Variants in PCDHGA9 observed in about 807,000 individuals in gnomAD.
PCDHGA9 encodes the protein protocadherin gamma-A9.
Under a neutral mutation model 62.5 loss-of-function variants are expected in PCDHGA9, and 37 were observed. That is an observed-to-expected ratio of 0.59 (90% confidence interval 0.46 to 0.78). PCDHGA9 has a LOEUF of 0.78. Among genes scored for constraint, PCDHGA9 ranks in the 30% least tolerant of loss-of-function variants. The pLI is 0.00. For missense variants in PCDHGA9, 1,138 were observed against 1,166.2 expected (o/e 0.98, Z 0.35); for synonymous variants, 459 against 484.6 (o/e 0.95, Z 0.69).
Position 141,432,849 on chromosome 5 carries a change from T to G in PCDHGA9, c.2424+27473T>G. The G allele has an allele frequency of 1.2e-6, 2 of 1,614,194 alleles. No homozygotes were observed. The highest frequency in any genetic ancestry group is 2.2e-5 in the South Asian group (2 of 91,092). ...CTCACTCTGTACCTGGTGGTAGCGG[T>G]GGCCGCGGTCTCCTGCGTCTTCCTG... On this transcript the variant is annotated intron_variant, in intron 1 of 3. Coordinates refer to ENST00000573521, the MANE Select transcript of PCDHGA9 (RefSeq NM_018921.3). This position sits in a 1 kb window ranked among gnomAD's most constrained non-coding sequence, Gnocchi z 6.0.
At chr5:141,423,100 G>A in intron 1 of PCDHGA9, 1 of 1,613,944 alleles carries the variant, frequency 6.2e-7, no homozygotes, top group Non-Finnish European at 8.5e-7. Context: ...GGAGCACACG[G>A]GCGAGGTGCG....
rs577239742 is a variant in PCDHGA9 at position 141,501,564 on chromosome 5, T to C, written c.2484-3829T>C. ...CATAAGATCATAGGCCCTGGAATCA[T>C]ATTAGGCTGGCTTTCAGGTTGCAAC... On this transcript the variant is annotated intron_variant, in intron 2 of 3. Coordinates refer to ENST00000573521, the MANE Select transcript of PCDHGA9 (RefSeq NM_018921.3). 5.9e-5 allele frequency among the ~76,000 whole-genome samples: 9 copies of C among 152,194 alleles called. No individual in the cohort carries two copies. The South Asian group carries it at 1.7e-3, about 28-fold the overall frequency.
At chr5:141,450,006 C>CTT (rs1554136305) in intron 1 of PCDHGA9, among the ~76,000 whole-genome samples, 6 of 132,984 alleles carry the variant, frequency 4.5e-5, no homozygotes, top group East Asian at 2.2e-4. Flanking sequence ...TGCCATGTCT[C>CTT]TTTTTTTTTT....
At chr5:141,433,212 T>C (rs747556366) in intron 1 of PCDHGA9, 75 of 1,570,956 alleles carry the variant, frequency 4.8e-5, no homozygotes, top group Non-Finnish European at 6.2e-5. Flanking sequence ...TTCTTTCTTT[T>C]TTTTTTTTAA....
chr5:141,405,035 G>C lies in PCDHGA9; in HGVS notation c.2083G>C (p.Val695Leu). Residue 695 changes from valine to leucine, a missense_variant, in exon 1 of 4, where the codon GTG becomes CTG. Transcript: ENST00000573521. ...CTCAGACCTTACCCTCTACCTCGTT[G>C]TGGCTGTGGCAGTCGTCTCCTGTGT... ...EASDLTLYLV[V>L]AVAVVSCVFL... is the part of the protein sequence containing the mutation. The C allele has an allele frequency of 6.2e-7, 1 of 1,613,964 alleles. No homozygotes were observed. The highest frequency in any genetic ancestry group is 1.1e-5 in the South Asian group (1 of 91,082).
intron 1 of PCDHGA9, among the ~76,000 whole-genome samples, chr5:141,456,714 C>T (rs1456452530): frequency 6.6e-6 from 1 of 152,176 alleles, no homozygotes; most frequent in Non-Finnish European, 1.5e-5. Flanking sequence ...CCTGTAATCC[C>T]AGCACTTTGG....
chr5:141,405,410 TTTTTGTTTTTTG>T lies in PCDHGA9; in HGVS notation c.2424+44_2424+55del, dbSNP rs1345529499. 4 of 1,557,296 alleles carry T rather than the reference TTTTTGTTTTTTG, an allele frequency of 2.6e-6. No individual in the cohort carries two copies. In the South Asian group the frequency reaches 4.6e-5, roughly 18 times the overall value. ...ATTTTTTTTCTTTCTTTCTTTTCTT[TTTTTGTTTTTTG>T]TTTTGTTTTGTTTTTGAGACAGAGT... On this transcript the variant is annotated intron_variant, in intron 1 of 3. Transcript: ENST00000573521.
Position 141,404,124 on chromosome 5 carries a change from C to G in PCDHGA9, c.1172C>G (p.Ser391Cys). ...QVVCSIQENL[S>C]FTLENSEEDY... ...GTCTGTTCTATCCAGGAGAATCTATCTTTTACATTAGAAAATTCAGAAGAA... is the reference window on the plus strand; with the variant it reads ...GTCTGTTCTATCCAGGAGAATCTATGTTTTACATTAGAAAATTCAGAAGAA... Residue 391 changes from serine to cysteine, a missense_variant, in exon 1 of 4, where the codon TCT (serine) becomes TGT (cysteine). Physicochemically the swap from Ser to Cys is moderately radical, Grantham distance 112. Transcript: ENST00000573521. 2 of 1,613,272 alleles carry G rather than the reference C, an allele frequency of 1.2e-6. No homozygotes were observed. Among genetic ancestry groups the G allele is most frequent in the Non-Finnish European group, 1.7e-6 (2 of 1,179,484 alleles).
intron 2 of PCDHGA9, among the ~76,000 whole-genome samples, chr5:141,496,279 G>C (rs902362885): frequency 1.3e-5 from 2 of 152,198 alleles, no homozygotes; most frequent in Non-Finnish European, 2.9e-5. Context: ...ACCTTCAGTT[G>C]GTCTGAGCAG....
intron 2 of PCDHGA9, among the ~76,000 whole-genome samples, chr5:141,502,135 G>A (rs1254187943): frequency 6.6e-6 from 1 of 152,154 alleles, no homozygotes; most frequent in East Asian, 1.9e-4. Context: ...GAGCTCAGTC[G>A]GGCCGGAAGT....
chr5:141,433,090 C>T, intron 1 of PCDHGA9: 2 of 1,614,210 alleles, frequency 1.2e-6, no homozygotes, highest in Non-Finnish European at 1.7e-6. Flanking sequence ...ACTATGCAGA[C>T]ATGCTCGTCA....
chr5:141,476,687 A>G lies in PCDHGA9; in HGVS notation c.2425-18120A>G. 1 of 1,614,212 alleles carries G rather than the reference A, an allele frequency of 6.2e-7. No individual in the cohort carries two copies. Among genetic ancestry groups the G allele is most frequent in the Non-Finnish European group, 8.5e-7 (1 of 1,180,044 alleles). On this transcript the variant is annotated intron_variant, in intron 1 of 3. Transcript: ENST00000573521. This position sits in a 1 kb window ranked among gnomAD's most constrained non-coding sequence, Gnocchi z 7.6. ...TCGCGTGCAGACGCGGGAGGACAGC[A>G]CCAAGTACGCGGAGCTGGTGTTGGA... is the stretch of plus-strand genomic sequence containing the variant.
chr5:141,491,709 C>T lies in PCDHGA9; in HGVS notation c.2425-3098C>T, dbSNP rs2099725685. On this transcript the variant is annotated intron_variant, in intron 1 of 3. Coordinates refer to ENST00000573521, the MANE Select transcript of PCDHGA9 (RefSeq NM_018921.3). The surrounding 1 kb of genome is among the most constrained non-coding windows in gnomAD (Gnocchi z 6.9). The stretch of plus-strand genomic sequence containing the variant: ...TGCGGGAGCGGAGCCAGGTGAGGGG[C>T]TCGGCGCCGCCCCGGGCGACCCCTG... 6.2e-7 allele frequency: 1 copy of T among 1,610,156 alleles called. No homozygotes were observed. Among genetic ancestry groups the T allele is most frequent in the Non-Finnish European group, 8.5e-7 (1 of 1,178,376 alleles).
At chr5:141,422,090 AGGCTTCTGAAATATTCCAATT>A (rs1561798894) in intron 1 of PCDHGA9, 11 of 1,611,852 alleles carry the variant, frequency 6.8e-6, no homozygotes, top group Non-Finnish European at 9.3e-6. Flanking sequence ...ATGGAAAGCA[AGGCTTCTGAAATATTCCAATT>A]GGATTCACAA....
At position 141,404,337 on chromosome 5, in the gene PCDHGA9, C is replaced by CG. The variant is rs1376523964; in HGVS notation, c.1387dup (p.Glu463GlyfsTer16). ...CAAGCCTCCTACTCAGTCTACCTCCCGGAAAACAACGCCAGAGGTACTTCC... is the reference window on the plus strand; with the variant it reads ...CAAGCCTCCTACTCAGTCTACCTCCCGGGAAAACAACGCCAGAGGTACTTCC... On this transcript the variant is annotated frameshift_variant, in exon 1 of 4. Coordinates refer to ENST00000573521, the MANE Select transcript of PCDHGA9 (RefSeq NM_018921.3). LOFTEE classifies it high-confidence loss of function. 3 of 1,613,784 alleles carry CG rather than the reference C, an allele frequency of 1.9e-6. No homozygotes were observed. The highest frequency in any genetic ancestry group is 2.5e-6 in the Non-Finnish European group (3 of 1,179,828).
chr5:141,436,842 T>G (rs986680968), intron 1 of PCDHGA9, among the ~76,000 whole-genome samples: 3 of 152,376 alleles, frequency 2.0e-5, no homozygotes, highest in African/African-American at 7.2e-5. Flanking sequence ...CCTAGGCACA[T>G]TCTTGATTGA....
intron 1 of PCDHGA9, among the ~76,000 whole-genome samples, chr5:141,480,916 A>C (rs991166066): frequency 6.6e-6 from 1 of 152,106 alleles, no homozygotes; most frequent in East Asian, 1.9e-4. Flanking sequence ...ATGGTGGCGC[A>C]TACCTGTAGT....
intron 1 of PCDHGA9, chr5:141,433,358 CCTATCTATCTAT>C (rs3074541): frequency 0.01 from 5,256 of 504,010 alleles, 38 homozygotes; most frequent in Non-Finnish European, 0.014. Flanking sequence ...CTACTGTCTG[CCTATCTATCTAT>C]CTATCTATCT....
At chr5:141,497,827 C>T (rs1390986916) in intron 2 of PCDHGA9, among the ~76,000 whole-genome samples, 3 of 152,188 alleles carry the variant, frequency 2.0e-5, no homozygotes, top group East Asian at 3.9e-4. Flanking sequence ...GGTGTGATCG[C>T]CCCCGGCCAC....
Sources: gnomAD v4.1 joint callset for allele counts (sites outside exome capture counted in the v4.1 genomes callset) on GRCh38, gnomAD v4.1.1 for gene constraint, Gnocchi (gnomAD v3.1) non-coding constraint, MANE v1.5 for transcripts, NCBI Gene and HGNC (gene_info 2026-07-23, HGNC 2026-07-21) for gene names.